NBPF12: variants seen among roughly 807,000 people sequenced by gnomAD.
NBPF12 encodes the protein NBPF member 12, also known as NBPF family member NBPF12.
A neutral mutation model predicts 146.4 loss-of-function variants in NBPF12; 115 were observed. The ratio of observed to expected loss-of-function variants is 0.79; its 90% confidence interval spans 0.68 to 0.92. The LOEUF (loss-of-function observed/expected upper bound fraction) is 0.92, where lower values mean the gene tolerates loss of function less well. Ranked by LOEUF, NBPF12 falls within the 40% of genes least tolerant of loss-of-function variation. The pLI, the probability that NBPF12 is intolerant of heterozygous loss-of-function variation, is 0.00. For missense variants in NBPF12, 1,205 were observed against 1,326.8 expected, an observed-to-expected ratio of 0.91 and a Z score of 1.43; for synonymous variants, 385 against 508.9, an observed-to-expected ratio of 0.76 and a Z score of 3.28.
chr1:146,950,464 C>A (rs1231422552), intron 1 of NBPF12, among the ~76,000 whole-genome samples: 1 of 151,624 alleles, frequency 6.6e-6, no homozygotes, highest in Admixed American at 6.6e-5. Context: ...AGTCACTAAC[C>A]CAAAATAGTT....
chr1:146,978,108 G>A (rs1657163833), intron 18 of NBPF12, among the ~76,000 whole-genome samples: 1 of 151,558 alleles, frequency 6.6e-6, no homozygotes, highest in African/African-American at 2.4e-5. Flanking sequence ...TCTCCTTTAA[G>A]TCAGCTTGCT....
chr1:146,973,738 A>C lies in NBPF12; in HGVS notation c.1801+778A>C, dbSNP rs1656808736. On this transcript the variant is annotated intron_variant, in intron 14 of 33. Transcript: ENST00000617844. ...AGGAGGCTGAGGTTGCAGTGAGCCA[A>C]GATTTTGCCGTTGCACTCCAGCCTG... Among the ~76,000 whole-genome samples the C allele has an allele frequency of 2.0e-5, 3 of 147,556 alleles. No individual in the cohort carries two copies. The South Asian group carries it at 6.5e-4, about 32-fold the overall frequency.
At chr1:146,961,678 T>C (rs1165057353) in intron 4 of NBPF12, among the ~76,000 whole-genome samples, 1 of 152,056 alleles carries the variant, frequency 6.6e-6, no homozygotes. Context: ...AAACCATATC[T>C]GAATATTGAT....
At chr1:146,970,621 T>A (rs1553886249) in intron 11 of NBPF12, 26 bp from the exon 15 acceptor site, 1 of 1,567,706 alleles carries the variant, frequency 6.4e-7, no homozygotes, top group African/African-American at 1.4e-5. Context: ...GTGGAAAATA[T>A]CTGAACGAAC....
chr1:146,972,452 G>GTTCTGCTACACAGAACAATGTTC (rs1656712153), intron 13 of NBPF12, among the ~76,000 whole-genome samples: 1 of 151,436 alleles, frequency 6.6e-6, no homozygotes, highest in African/African-American at 2.4e-5. Flanking sequence ...GAAATCTTTT[G>GTTCTGCTACACAGAACAATGTTC]TGCTACACAG....
chr1:146,944,972 C>A (rs1431437506), upstream of NBPF12, among the ~76,000 whole-genome samples: 4 of 82,352 alleles, frequency 4.9e-5, no homozygotes, highest in African/African-American at 5.3e-5. Flanking sequence ...CCCTTCCTCC[C>A]TCCCTCCCTG....
At chr1:146,976,001 C>T (rs1389545855) in intron 16 of NBPF12, 110 bp downstream of exon 19, 1 of 1,125,138 alleles carries the variant, frequency 8.9e-7, no homozygotes, top group Non-Finnish European at 1.3e-6. Flanking sequence ...TTCCACTAAG[C>T]TTATGTGGCC....
At chr1:146,973,519 G>GCA (rs1656792794) in intron 14 of NBPF12, among the ~76,000 whole-genome samples, 1 of 148,670 alleles carries the variant, frequency 6.7e-6, no homozygotes, top group African/African-American at 2.5e-5. Flanking sequence ...GCCGTGCATG[G>GCA]TGGCTCACTC....
intron 13 of NBPF12, among the ~76,000 whole-genome samples, chr1:146,972,152 T>C (rs1260807374): frequency 6.7e-6 from 1 of 150,350 alleles, no homozygotes; most frequent in Admixed American, 6.6e-5. Flanking sequence ...CCCAGCACTT[T>C]GGGAGGCGGA....
chr1:146,968,556 G>A lies in NBPF12; in HGVS notation c.1091+6G>A. On this transcript the variant is annotated splice_donor_region_variant and intron_variant, in intron 10 of 33. Coordinates refer to ENST00000617844, the Ensembl canonical transcript of NBPF12. Reference sequence around the variant, plus strand: ...AAGCAAGCTGAGGAGCTCAGGTGAGGGGACCCCATGGGGGCAGGCAGGGGG... The same window carrying A: ...AAGCAAGCTGAGGAGCTCAGGTGAGAGGACCCCATGGGGGCAGGCAGGGGG... The A allele has an allele frequency of 6.3e-7, 1 of 1,594,634 alleles. No homozygotes were observed. Among genetic ancestry groups the A allele is most frequent in the African/African-American group, 1.3e-5 (1 of 74,184 alleles).
intron 13 of NBPF12, among the ~76,000 whole-genome samples, chr1:146,971,968 G>T (rs1378607695): frequency 6.7e-6 from 1 of 148,950 alleles, no homozygotes; most frequent in Non-Finnish European, 1.5e-5. Flanking sequence ...GGTGCCTGTA[G>T]TCTCAGCTAC....
intron 19 of NBPF12, among the ~76,000 whole-genome samples, chr1:146,981,278 A>T (rs1426617406): frequency 8.5e-5 from 3 of 35,282 alleles, no homozygotes; most frequent in African/African-American, 2.6e-4. Context: ...TTAAAGTATT[A>T]AAAAAAAAAA....
At chr1:146,950,830 T>A in intron 1 of NBPF12, among the ~76,000 whole-genome samples, 1 of 152,204 alleles carries the variant, frequency 6.6e-6, no homozygotes. Flanking sequence ...GATATTTGAA[T>A]GTTTCCAGTT....
At chr1:146,964,533 C>T (rs1656067419) in intron 7 of NBPF12, 104 bp downstream of exon 10, 1 of 1,563,636 alleles carries the variant, frequency 6.4e-7, no homozygotes, top group East Asian at 2.2e-5. Flanking sequence ...CCCGCATTCC[C>T]TTGGCCACAG....
At chr1:146,994,289 T>C (rs782601761) in intron 33 of NBPF12, 43 bp from the exon 37 acceptor site, 9 of 1,611,174 alleles carry the variant, frequency 5.6e-6, no homozygotes, top group African/African-American at 1.3e-5. Context: ...CTGTGGTGTC[T>C]GACTTTCCCT....
exon 26 of NBPF12, chr1:146,988,091 A>G (rs200441040): frequency 0.21 from 126,039 of 590,870 alleles, 608 homozygotes; most frequent in South Asian, 0.33. Context: ...TATGCATTGG[A>G]GGAAAAACAT....
chr1:146,965,935 C>A (rs1170670622), intron 8 of NBPF12, among the ~76,000 whole-genome samples: 1 of 151,188 alleles, frequency 6.6e-6, no homozygotes, highest in East Asian at 1.9e-4. Context: ...TGGCGAAACC[C>A]CATCTCTACT....
At chr1:146,986,122 G>T (rs1328519144) in intron 23 of NBPF12, among the ~76,000 whole-genome samples, 1 of 151,584 alleles carries the variant, frequency 6.6e-6, no homozygotes, top group Non-Finnish European at 1.5e-5. Context: ...CGGCCAATTC[G>T]CTGAGCTCAC....
intron 19 of NBPF12, among the ~76,000 whole-genome samples, chr1:146,981,522 A>G (rs1234254413): frequency 6.6e-6 from 1 of 151,210 alleles, no homozygotes; most frequent in Non-Finnish European, 1.5e-5. Flanking sequence ...GAATCTGACA[A>G]TTATGTGTCC....
Sources: gnomAD v4.1 joint callset for allele counts (sites outside exome capture counted in the v4.1 genomes callset) on GRCh38, gnomAD v4.1.1 for gene constraint, MANE v1.5 for transcripts, NCBI Gene and HGNC (gene_info 2026-07-23, HGNC 2026-07-21) for gene names.